Variants in VAV3 observed in about 807,000 individuals in gnomAD.
VAV3 encodes the protein guanine nucleotide exchange factor VAV3.
In VAV3, 94 loss-of-function variants were observed where a neutral mutation model predicts 131.2. That is an observed-to-expected ratio of 0.72 (90% CI 0.61 to 0.85). The LOEUF (loss-of-function observed/expected upper bound fraction) is 0.85. VAV3 is among the 40% of genes least tolerant of loss of function. VAV3 has a pLI of 0.00. For synonymous variants in VAV3, 349 were observed against 342.0 expected, an observed-to-expected ratio of 1.02 and a Z score of -0.22; for missense variants, 939 against 1,002.7, an observed-to-expected ratio of 0.94 and a Z score of 0.86.
chr1:107,933,284 G>GTT (rs72392700), intron 1 of VAV3, among the ~76,000 whole-genome samples: 3 of 143,672 alleles, frequency 2.1e-5, no homozygotes, highest in African/African-American at 7.6e-5. Flanking sequence ...GTTTTTTTGT[G>GTT]TTTTTTTTTT....
Position 107,743,546 on chromosome 1 carries a change from A to T in VAV3, c.1502+5422T>A, listed in dbSNP as rs1391902927. 2.7e-4 allele frequency among the ~76,000 whole-genome samples: 41 copies of T among 152,194 alleles called. 1 individual carries two copies. The highest frequency in any genetic ancestry group is 2.7e-3 in the Admixed American group (41 of 15,280). On this transcript the variant is annotated intron_variant, in intron 15 of 26. Transcript: ENST00000370056. ...GAATATTATTATATTTAGAAATAAT[A>T]ATACTTAAATTCAATTGCAATGGCT...
chr1:107,777,370 T>A, intron 3 of VAV3, 74 bp from the exon 4 acceptor site: 2 of 1,313,590 alleles, frequency 1.5e-6, no homozygotes, highest in Non-Finnish European at 2.2e-6. Flanking sequence ...GCTGCGCACT[T>A]AACCCTCACT....
chr1:107,765,283 A>G, intron 8 of VAV3, 108 bp from the exon 9 acceptor site: 1 of 778,630 alleles, frequency 1.3e-6, no homozygotes. Flanking sequence ...AGGGATAACC[A>G]AAATAGCAGT....
intron 19 of VAV3, among the ~76,000 whole-genome samples, chr1:107,662,337 G>C (rs1286868430): frequency 6.6e-6 from 1 of 151,976 alleles, no homozygotes; most frequent in African/African-American, 2.4e-5. Context: ...CAAAAAACAT[G>C]CACAAAAGAA....
intron 2 of VAV3, among the ~76,000 whole-genome samples, chr1:107,839,244 G>A (rs985302127): frequency 6.6e-6 from 1 of 152,126 alleles, no homozygotes; most frequent in Non-Finnish European, 1.5e-5. Flanking sequence ...TCAAGCTTAT[G>A]ACCAAATACA....
intron 2 of VAV3, among the ~76,000 whole-genome samples, chr1:107,822,628 C>A (rs1321495192): frequency 6.6e-6 from 1 of 150,970 alleles, no homozygotes; most frequent in African/African-American, 2.4e-5. Context: ...GCACTCCAGC[C>A]TGGGAGACAG....
intron 17 of VAV3, among the ~76,000 whole-genome samples, chr1:107,696,195 T>G (rs902484817): frequency 6.6e-6 from 1 of 152,178 alleles, no homozygotes; most frequent in Non-Finnish European, 1.5e-5. Flanking sequence ...CACATATTTA[T>G]GGGGTACAGT....
intron 25 of VAV3, among the ~76,000 whole-genome samples, chr1:107,588,524 A>G (rs1650684348): frequency 6.6e-6 from 1 of 152,194 alleles, no homozygotes; most frequent in African/African-American, 2.4e-5. Context: ...CACTTCCCAC[A>G]TGTGAGATGC....
intron 1 of VAV3, among the ~76,000 whole-genome samples, chr1:107,884,409 TTATTATTATTATTA>T (rs1670931263): frequency 8.4e-4 from 1 of 1,184 alleles, no homozygotes; most frequent in Non-Finnish European, 4.2e-3. Context: ...AAATTATTTA[TTATTATTATTATTA>T]TTATTATTAT....
chr1:107,773,648 A>C (rs1183228511), intron 4 of VAV3, among the ~76,000 whole-genome samples: 1 of 152,166 alleles, frequency 6.6e-6, no homozygotes, highest in Non-Finnish European at 1.5e-5. Flanking sequence ...AGGAGGAAGG[A>C]AGAGGAAGGA....
At chr1:107,661,653 T>C (rs1470604622) in intron 19 of VAV3, among the ~76,000 whole-genome samples, 1 of 152,222 alleles carries the variant, frequency 6.6e-6, no homozygotes, top group African/African-American at 2.4e-5. Flanking sequence ...TGAAAGCATA[T>C]GTGCATGTTT....
Position 107,964,904 on chromosome 1 carries a change from G to C in VAV3, c.-35C>G. ...CTCCGGGACGCGGCTGGGCCGGGGC[G>C]GGCGGCAAGGATGCGGCCGCCGCCG... On this transcript the variant is annotated 5_prime_UTR_variant, in exon 1 of 27. Coordinates refer to ENST00000370056, the MANE Select transcript of VAV3 (RefSeq NM_006113.5). The C allele has an allele frequency of 3.8e-6, 5 of 1,318,798 alleles. No homozygotes were observed. Among genetic ancestry groups the C allele is most frequent in the South Asian group, 2.4e-5 (1 of 41,514 alleles). 81.7% of individuals were successfully genotyped at this position (1,318,798 alleles called of 1,614,324 possible). A position where few individuals can be genotyped will look rare whatever the true frequency, so the allele number is the denominator to read the frequency against.
At chr1:107,889,132 A>AGTGTGTGTGTGTGTGTGTGTGTGTGT (rs5776903) in intron 1 of VAV3, among the ~76,000 whole-genome samples, 1 of 141,926 alleles carries the variant, frequency 7.0e-6, no homozygotes, top group African/African-American at 2.7e-5. Flanking sequence ...TCCTGTGTAG[A>AGTGTGTGTGTGTGTGTGTGTGTGTGT]GTGTGTGTGT....
chr1:107,721,095 G>A (rs191323376), intron 15 of VAV3, among the ~76,000 whole-genome samples: 1 of 152,302 alleles, frequency 6.6e-6, no homozygotes, highest in African/African-American at 2.4e-5. Flanking sequence ...CAGAGTTCTA[G>A]GGTGGACTGG....
intron 20 of VAV3, among the ~76,000 whole-genome samples, chr1:107,621,648 T>G (rs1459308241): frequency 6.6e-6 from 1 of 152,146 alleles, no homozygotes; most frequent in Non-Finnish European, 1.5e-5. Context: ...CTTCTTTACA[T>G]TACTCTGTGG....
chr1:107,797,855 T>C (rs1402314858), intron 2 of VAV3, among the ~76,000 whole-genome samples: 3 of 152,188 alleles, frequency 2.0e-5, no homozygotes, highest in East Asian at 3.9e-4. Flanking sequence ...TTTGTTAAAA[T>C]AGATTGCTGG....
chr1:107,802,641 C>T (rs1666879355), intron 2 of VAV3, among the ~76,000 whole-genome samples: 2 of 152,112 alleles, frequency 1.3e-5, no homozygotes, highest in East Asian at 1.9e-4. Context: ...GGATACATTA[C>T]ATTTATTAAT....
chr1:107,693,981 C>CA (rs200561012), intron 17 of VAV3, among the ~76,000 whole-genome samples: 5,141 of 152,280 alleles, frequency 0.034, 120 homozygotes, highest in South Asian at 0.079. Flanking sequence ...ACCCATGTGT[C>CA]AAGCTGGCAA....
intron 4 of VAV3, among the ~76,000 whole-genome samples, chr1:107,774,679 T>C (rs1466466457): frequency 1.3e-5 from 2 of 152,186 alleles, no homozygotes; most frequent in Non-Finnish European, 2.9e-5. Context: ...AGTGTAGCCA[T>C]TACCTGCCCT....
Sources: allele counts gnomAD v4.1 joint callset (sites outside exome capture counted in the v4.1 genomes callset), GRCh38; gene constraint gnomAD v4.1.1; transcripts MANE v1.5; gene names NCBI Gene and HGNC (gene_info 2026-07-23, HGNC 2026-07-21).